TRAPPC8: variants seen among roughly 807,000 people sequenced by gnomAD.
The protein encoded by TRAPPC8 is general sporulation gene 1 homolog.
TRAPPC8 carries 54 observed loss-of-function variants against 174.3 expected under a neutral mutation model. The observed-to-expected ratio is 0.31, with a 90% CI of 0.25 to 0.39. TRAPPC8 has a LOEUF of 0.39. Among genes scored for constraint, TRAPPC8 ranks in the 10% least tolerant of loss-of-function variants. The pLI is 1.00. For missense variants in TRAPPC8, 1,531 were observed against 1,699.1 expected (o/e 0.90, Z 1.74); for synonymous variants, 630 against 579.9 (o/e 1.09, Z -1.24).
At chr18:31,930,641 A>G (rs1485809054) in intron 2 of TRAPPC8, among the ~76,000 whole-genome samples, 1 of 152,140 alleles carries the variant, frequency 6.6e-6, no homozygotes, top group African/African-American at 2.4e-5. Context: ...ACATATTAAT[A>G]TATAATTTCA....
chr18:31,935,592 G>A (rs1029268658), intron 1 of TRAPPC8, among the ~76,000 whole-genome samples: 7 of 136,708 alleles, frequency 5.1e-5, no homozygotes, highest in East Asian at 2.1e-4. Context: ...ACAAGCCTGC[G>A]ATTATAGGCT....
chr18:31,903,960 G>A (rs986364432), intron 9 of TRAPPC8, among the ~76,000 whole-genome samples: 8 of 152,150 alleles, frequency 5.3e-5, no homozygotes, highest in Admixed American at 3.3e-4. Context: ...TGAAGATTAA[G>A]CACAGTGCCA....
At chr18:31,849,418 C>CA (rs567009586) in intron 25 of TRAPPC8, 148 bp downstream of exon 25, 549 of 648,866 alleles carry the variant, frequency 8.5e-4, no homozygotes, top group Middle Eastern at 2.4e-3. Context: ...TTTTTTAGGC[C>CA]AAAAAAAAAT....
At chr18:31,871,967 T>A (rs889308017) in intron 14 of TRAPPC8, among the ~76,000 whole-genome samples, 1 of 152,078 alleles carries the variant, frequency 6.6e-6, no homozygotes, top group African/African-American at 2.4e-5. Context: ...TTAAAATATA[T>A]GCATTTATAT....
chr18:31,876,765 A>G (rs961094960), intron 12 of TRAPPC8, among the ~76,000 whole-genome samples: 3 of 151,888 alleles, frequency 2.0e-5, no homozygotes, highest in African/African-American at 7.3e-5. Flanking sequence ...CCATCTGTTC[A>G]CCATCCAACT....
chr18:31,834,335 C>T (rs2032581093), intron 27 of TRAPPC8, among the ~76,000 whole-genome samples: 1 of 152,092 alleles, frequency 6.6e-6, no homozygotes, highest in South Asian at 2.1e-4. Context: ...GTCTTGAACT[C>T]CTGACCTCAG....
intron 2 of TRAPPC8, among the ~76,000 whole-genome samples, chr18:31,918,708 T>G (rs1252892563): frequency 6.6e-6 from 1 of 152,238 alleles, no homozygotes; most frequent in African/African-American, 2.4e-5. Context: ...TACATTTACC[T>G]TACAATCAAA....
intron 12 of TRAPPC8, among the ~76,000 whole-genome samples, chr18:31,877,489 G>T (rs998394923): frequency 1.3e-5 from 2 of 151,780 alleles, no homozygotes; most frequent in Non-Finnish European, 2.9e-5. Context: ...GCGGGCGCCT[G>T]TAGTCCCACC....
chr18:31,931,769 G>C (rs1187839209), intron 1 of TRAPPC8, among the ~76,000 whole-genome samples: 2 of 152,108 alleles, frequency 1.3e-5, no homozygotes, highest in East Asian at 3.9e-4. Context: ...CCTACTGTAG[G>C]TCCTCTCCTT....
In TRAPPC8 at chr18:31,855,815, T is replaced by TAA. The variant is rs34167680; in HGVS notation, c.3189-10_3189-9dup. 5.2e-3 allele frequency: 7,793 copies of TAA among 1,492,430 alleles called. 70 individuals carry two copies. Among genetic ancestry groups the TAA allele is most frequent in the African/African-American group, 0.051 (3,287 of 64,166 alleles). The allele number at this position is 1,492,430 out of a possible 1,614,324, so 92.4% of individuals were successfully genotyped here. A position where few individuals can be genotyped will look rare whatever the true frequency, so the allele number is the denominator to read the frequency against. On this transcript the variant is annotated splice_polypyrimidine_tract_variant and intron_variant, in intron 20 of 28. Coordinates refer to ENST00000283351, the MANE Select transcript of TRAPPC8 (RefSeq NM_014939.5). ...TGTCTTAATATTCTGTGCCTGAAGT[T>TAA]AAAAAAAAAAAAAAAAGCACATTTA...
intron 1 of TRAPPC8, among the ~76,000 whole-genome samples, chr18:31,940,241 C>A (rs1047658778): frequency 6.6e-6 from 1 of 152,006 alleles, no homozygotes; most frequent in Non-Finnish European, 1.5e-5. Flanking sequence ...CTTTGGGAGG[C>A]GGAGGCGGGC....
intron 10 of TRAPPC8, among the ~76,000 whole-genome samples, chr18:31,899,545 A>G (rs563838699): frequency 1.3e-5 from 2 of 152,370 alleles, no homozygotes; most frequent in East Asian, 3.9e-4. Context: ...ACAACAGATA[A>G]GTCGGATTAA....
At chr18:31,906,751 A>C (rs1034380712) in intron 9 of TRAPPC8, among the ~76,000 whole-genome samples, 1 of 152,246 alleles carries the variant, frequency 6.6e-6, no homozygotes, top group Non-Finnish European at 1.5e-5. Context: ...TTACAAAACT[A>C]ACACAACTGA....
intron 20 of TRAPPC8, among the ~76,000 whole-genome samples, chr18:31,856,617 G>A (rs915420010): frequency 5.9e-5 from 9 of 151,916 alleles, no homozygotes; most frequent in Non-Finnish European, 1.3e-4. Flanking sequence ...CCATATATAA[G>A]CTTTACATTT....
In TRAPPC8 at chr18:31,832,135, C is replaced by A; in HGVS notation, c.4022G>T (p.Cys1341Phe). Reference protein sequence around the residue: ...LVPVTLLLSNCSKADVDVIVD... With the variant: ...LVPVTLLLSNFSKADVDVIVD... ...TATGACATCTACATCAGCCTTAGAA[C>A]AATTGGAAAGTAAAAGAGTGACTGG... Residue 1341 changes from cysteine to phenylalanine, a missense_variant, in exon 28 of 29, where the codon TGT (cysteine) becomes TTT (phenylalanine). Transcript: ENST00000283351. 6.4e-7 allele frequency: 1 copy of A among 1,553,796 alleles called. No homozygotes were observed. The highest frequency in any genetic ancestry group is 8.6e-7 in the Non-Finnish European group (1 of 1,159,830).
chr18:31,877,829 A>T (rs2035235323), intron 12 of TRAPPC8, among the ~76,000 whole-genome samples: 1 of 151,600 alleles, frequency 6.6e-6, no homozygotes, highest in African/African-American at 2.4e-5. Flanking sequence ...AGGCTGAGGC[A>T]GGAGAATCGC....
chr18:31,897,927 A>G (rs762386801), intron 10 of TRAPPC8, 36 bp from the exon 11 acceptor site: 2 of 1,552,884 alleles, frequency 1.3e-6, no homozygotes, highest in Non-Finnish European at 1.8e-6. Context: ...AAATAGCACA[A>G]TAATACCTTA....
At chr18:31,931,944 T>C (rs747173356) in intron 1 of TRAPPC8, among the ~76,000 whole-genome samples, 2 of 152,148 alleles carry the variant, frequency 1.3e-5, no homozygotes, top group Non-Finnish European at 2.9e-5. Flanking sequence ...TGGGCTTCCT[T>C]CTTCTTTCCC....
intron 11 of TRAPPC8, chr18:31,895,900 C>T (rs1416304015): frequency 6.6e-6 from 1 of 152,184 alleles, no homozygotes; most frequent in East Asian, 1.9e-4. Context: ...CTGAACCTAA[C>T]TAGTTAGACC....
Sources: gnomAD v4.1 joint callset for allele counts (sites outside exome capture counted in the v4.1 genomes callset) on GRCh38, gnomAD v4.1.1 for gene constraint, MANE v1.5 for transcripts, NCBI Gene and HGNC (gene_info 2026-07-23, HGNC 2026-07-21) for gene names.